The following GSTO2 variants were observed in gnomAD, a reference collection of about 807,000 sequenced individuals.
The protein encoded by GSTO2 is glutathione S-transferase omega 2.
A neutral mutation model predicts 28.4 loss-of-function variants in GSTO2; 23 were observed. That is an observed-to-expected ratio of 0.81 (90% CI 0.58 to 1.15). GSTO2 has a LOEUF of 1.15. Ranked by LOEUF, GSTO2 falls within the 50% of genes most tolerant of loss-of-function variation. GSTO2 has a pLI of 0.00. For synonymous variants in GSTO2, 109 were observed against 111.0 expected, an observed-to-expected ratio of 0.98 and a Z score of 0.11; for missense variants, 298 against 297.8, an observed-to-expected ratio of 1.00 and a Z score of 0.00.
Position 104,303,635 on chromosome 10 carries a change from G to A in GSTO2, c.*4351G>A, listed in dbSNP as rs276206. 0.99 allele frequency: 151,271 copies of A among 152,340 alleles called. 75,107 individuals are homozygous for A. The highest frequency in any genetic ancestry group is 1 in the East Asian group (5,187 of 5,188). 9.4% of individuals were successfully genotyped at this position (152,340 alleles called of 1,614,324 possible). On this transcript the variant is annotated 3_prime_UTR_variant, in exon 7 of 7. Transcript: ENST00000338595. ...GCTATGTGGTAGAAAAGAAGAGCCC[G>A]TTTTCAGGGAAGGAATTCAAGCAGG...
rs150519775 is a variant in GSTO2 at position 104,276,692 on chromosome 10, G to A, written c.144-1202G>A. 3.7e-4 allele frequency among the ~76,000 whole-genome samples: 56 copies of A among 152,250 alleles called. 1 individual carries two copies. The highest frequency in any genetic ancestry group is 9.8e-4 in the Admixed American group (15 of 15,290). On this transcript the variant is annotated intron_variant, in intron 3 of 6. Transcript: ENST00000338595. ...TTGCTATGTGGCCTATGCTGGTCTC[G>A]AAATCTTGGGCTCAAGCAATCCTCC...
At position 104,301,142 on chromosome 10, in the gene GSTO2, T is replaced by G. The variant is rs925278983; in HGVS notation, c.*1858T>G. 6 of 152,236 alleles carry G rather than the reference T, an allele frequency of 3.9e-5. No individual in the cohort carries two copies. Among genetic ancestry groups the G allele is most frequent in the African/African-American group, 1.4e-4 (6 of 41,458 alleles). 9.4% of individuals were successfully genotyped at this position (152,236 alleles called of 1,614,324 possible). The stretch of plus-strand genomic sequence containing the variant: ...AAGAGGGGAATCTTCTCCTGTGGCC[T>G]CTCATAGGACTTAGGAGATTGATCA... On this transcript the variant is annotated 3_prime_UTR_variant, in exon 7 of 7. Transcript: ENST00000338595.
Position 104,300,375 on chromosome 10 carries a change from C to A in GSTO2, c.*1091C>A, listed in dbSNP as rs888294945. 6.6e-6 allele frequency: 1 copy of A among 152,278 alleles called. No homozygotes were observed. Among genetic ancestry groups the A allele is most frequent in the Non-Finnish European group, 1.5e-5 (1 of 68,074 alleles). 9.4% of individuals were successfully genotyped at this position (152,278 alleles called of 1,614,324 possible). A position where few individuals can be genotyped will look rare whatever the true frequency, so the allele number is the denominator to read the frequency against. On this transcript the variant is annotated 3_prime_UTR_variant, in exon 7 of 7. Coordinates refer to ENST00000338595, the MANE Select transcript of GSTO2 (RefSeq NM_183239.2). ...AATGCCTCTGGTTGCCTGTTGTGTA[C>A]CAAGCCCAGGGGCACACTGGGGATA...
chr10:104,272,455 T>C (rs11191980), intron 1 of GSTO2, among the ~76,000 whole-genome samples: 33,723 of 152,096 alleles, frequency 0.22, 4,322 homozygotes, highest in Middle Eastern at 0.31. Context: ...CTGGTTGAGA[T>C]TGTTGCCGCT....
chr10:104,284,480 A>C (rs998533264), intron 5 of GSTO2, among the ~76,000 whole-genome samples: 4 of 152,190 alleles, frequency 2.6e-5, no homozygotes, highest in African/African-American at 9.7e-5. Flanking sequence ...TTTTATTATC[A>C]AACTAGCAGC....
At chr10:104,273,313 T>C (rs1352295035) in intron 1 of GSTO2, among the ~76,000 whole-genome samples, 2 of 152,026 alleles carry the variant, frequency 1.3e-5, no homozygotes, top group Non-Finnish European at 2.9e-5. Context: ...CTGACATATA[T>C]GCATTTTATT....
intron 5 of GSTO2, among the ~76,000 whole-genome samples, chr10:104,283,569 TG>T (rs1451768859): frequency 3.3e-5 from 5 of 152,180 alleles, no homozygotes; most frequent in African/African-American, 1.2e-4. Context: ...GAGCTTGCAA[TG>T]AGCTATGATC....
intron 5 of GSTO2, among the ~76,000 whole-genome samples, chr10:104,289,811 G>A (rs566600269): frequency 2.6e-5 from 4 of 152,142 alleles, no homozygotes; most frequent in Non-Finnish European, 5.9e-5. Flanking sequence ...CACACAAATG[G>A]CAAACAGACA....
intron 5 of GSTO2, chr10:104,296,258 AGTAATAGT>A (rs1251695404): frequency 6.6e-6 from 1 of 152,108 alleles, no homozygotes; most frequent in Non-Finnish European, 1.5e-5. Flanking sequence ...TAATGCATTA[AGTAATAGT>A]GTTGAGTGGC....
intron 3 of GSTO2, among the ~76,000 whole-genome samples, chr10:104,277,292 T>A (rs2011687227): frequency 1.3e-5 from 2 of 150,408 alleles, no homozygotes; most frequent in African/African-American, 5.0e-5. Flanking sequence ...TTGGCTCTAC[T>A]ACTTTTTTTT....
intron 1 of GSTO2, among the ~76,000 whole-genome samples, chr10:104,272,665 G>A (rs920768402): frequency 7.5e-6 from 1 of 132,998 alleles, no homozygotes; most frequent in Non-Finnish European, 1.5e-5. Flanking sequence ...CCAGGCTGGA[G>A]TGCAGTGGCG....
intron 6 of GSTO2, 108 bp from the exon 7 acceptor site, chr10:104,299,018 CTT>C (rs1251125038): frequency 1.0e-6 from 1 of 963,588 alleles, no homozygotes; most frequent in South Asian, 1.9e-5. Context: ...ACTAAGATAA[CTT>C]CCCAAATAAA....
intron 3 of GSTO2, among the ~76,000 whole-genome samples, chr10:104,276,209 A>G (rs1400014191): frequency 6.6e-6 from 1 of 152,242 alleles, no homozygotes; most frequent in Non-Finnish European, 1.5e-5. Flanking sequence ...GATGTTTTAA[A>G]TAAAATTATG....
chr10:104,272,666 T>G (rs1219470435), intron 1 of GSTO2, among the ~76,000 whole-genome samples: 2 of 131,506 alleles, frequency 1.5e-5, no homozygotes, highest in Non-Finnish European at 3.1e-5. Context: ...CAGGCTGGAG[T>G]GCAGTGGCGC....
chr10:104,274,053 G>A (rs75301262), intron 1 of GSTO2, among the ~76,000 whole-genome samples: 4,432 of 152,252 alleles, frequency 0.029, 199 homozygotes, highest in African/African-American at 0.1. Flanking sequence ...CCAAAGCCAC[G>A]TCTATTATCT....
intron 3 of GSTO2, among the ~76,000 whole-genome samples, chr10:104,275,757 T>TC (rs1232304033): frequency 6.6e-6 from 1 of 151,942 alleles, no homozygotes; most frequent in African/African-American, 2.4e-5. Context: ...TTCATCCATC[T>TC]CCCCTCCCCA....
intron 5 of GSTO2, among the ~76,000 whole-genome samples, chr10:104,290,040 A>G (rs1356818433): frequency 6.6e-6 from 1 of 152,194 alleles, no homozygotes; most frequent in East Asian, 1.9e-4. Context: ...TCAAAACACT[A>G]AAAATTGAGC....
Position 104,275,282 on chromosome 10 carries a change from T to G in GSTO2, c.91T>G (p.Phe31Val). The G allele has an allele frequency of 6.2e-7, 1 of 1,613,978 alleles. No individual in the cohort carries two copies. Among genetic ancestry groups the G allele is most frequent in the Non-Finnish European group, 8.5e-7 (1 of 1,179,990 alleles). ...GCTGATCCGCATCTACAGCATGAGGTTCTGCCCCTATTCTCACAGGACCCG... is the reference window on the plus strand; with the variant it reads ...GCTGATCCGCATCTACAGCATGAGGGTCTGCCCCTATTCTCACAGGACCCG... ...EGLIRIYSMRFCPYSHRTRLV... is the reference protein window; with the variant it reads ...EGLIRIYSMRVCPYSHRTRLV... The change falls in exon 3 of 7, where the codon TTC becomes GTC. Residue 31 changes from phenylalanine to valine, a missense_variant. Physicochemically the swap from Phe to Val is conservative, Grantham distance 50 (BLOSUM62 -1). Coordinates refer to ENST00000338595, the MANE Select transcript of GSTO2 (RefSeq NM_183239.2).
At position 104,272,587 on chromosome 10, in the gene GSTO2, C is replaced by CTTTTTTTTTTTTTTTTTTTTTTTTTT. The variant is rs768279768; in HGVS notation, c.-231-2079_-231-2054dup. On this transcript the variant is annotated intron_variant, in intron 1 of 6. Coordinates refer to ENST00000338595, the MANE Select transcript of GSTO2 (RefSeq NM_183239.2). ...GAATCAAAATAGAACAGTTATGGGA[C>CTTTTTTTTTTTTTTTTTTTTTTTTTT]TTTTTTTTTTTTTTTTTTTTTTTTT... 8.1e-5 allele frequency among the ~76,000 whole-genome samples: 4 copies of CTTTTTTTTTTTTTTTTTTTTTTTTTT among 49,308 alleles called. 1 individual carries two copies. The highest frequency in any genetic ancestry group is 6.9e-4 in the Admixed American group (2 of 2,888). The allele number at this position is 49,308 out of a possible 152,430, so 32.3% of individuals were successfully genotyped here. A position where few individuals can be genotyped will look rare whatever the true frequency, so the allele number is the denominator to read the frequency against.
Sources: gnomAD v4.1 joint callset for allele counts (sites outside exome capture counted in the v4.1 genomes callset) on GRCh38, gnomAD v4.1.1 for gene constraint, MANE v1.5 for transcripts, NCBI Gene and HGNC (gene_info 2026-07-23, HGNC 2026-07-21) for gene names.